Variants in MEIKIN observed in about 807,000 individuals in gnomAD.
MEIKIN encodes the protein meiotic kinetochore factor.
intron 8 of MEIKIN, among the ~76,000 whole-genome samples, chr5:131,907,691 G>C (rs1361831012): frequency 1.3e-5 from 2 of 151,488 alleles, no homozygotes; most frequent in Non-Finnish European, 2.9e-5. Flanking sequence ...GACCAACATG[G>C]TGAAACCCCA....
rs1285998746 is a variant in MEIKIN at position 131,899,523 on chromosome 5, CAG to C, written c.703+12290_703+12291del. Among the ~76,000 whole-genome samples the C allele has an allele frequency of 2.1e-5, 3 of 141,594 alleles. No individual in the cohort carries two copies. The Admixed American group carries it at 2.1e-4, about 10-fold the overall frequency. 92.9% of individuals were successfully genotyped at this position (141,594 alleles called of 152,430 possible). A position where few individuals can be genotyped will look rare whatever the true frequency, so the allele number is the denominator to read the frequency against. On this transcript the variant is annotated intron_variant, in intron 8 of 12. Transcript: ENST00000442687. ...GGCTACACTGTCCAATCAAAAGACA[CAG>C]AGTGGTTGAATGGATTTAAAAAAAA...
intron 10 of MEIKIN, among the ~76,000 whole-genome samples, chr5:131,852,023 A>G (rs75359156): frequency 6.6e-6 from 1 of 152,364 alleles, no homozygotes; most frequent in African/African-American, 2.4e-5. Flanking sequence ...TATTATTCAT[A>G]ATAGATAATA....
intron 9 of MEIKIN, among the ~76,000 whole-genome samples, chr5:131,856,400 C>A (rs1750193481): frequency 1.3e-5 from 2 of 152,124 alleles, no homozygotes; most frequent in African/African-American, 4.8e-5. Context: ...AGCTGACAGC[C>A]CCCAAGCACA....
At chr5:131,843,051 G>A (rs1279372624) in intron 11 of MEIKIN, among the ~76,000 whole-genome samples, 1 of 152,228 alleles carries the variant, frequency 6.6e-6, no homozygotes, top group Admixed American at 6.5e-5. Flanking sequence ...CCAAGGTTTG[G>A]GGCTTACCCT....
chr5:131,920,697 AT>A (rs59138710), intron 6 of MEIKIN, among the ~76,000 whole-genome samples: 18,892 of 142,022 alleles, frequency 0.13, 2,836 homozygotes, highest in African/African-American at 0.39. Context: ...GCATAACTTC[AT>A]TTTTTTTTTT....
rs1485229893 is a variant in MEIKIN at position 131,930,413 on chromosome 5, AAT to A, written c.478+3098_478+3099del. ...ATCTTTGTTGGATGCATAGTTTGCA[AAT>A]ATTTTCTCCCATTCTGTAGGTTGTC... is the stretch of plus-strand genomic sequence containing the variant. On this transcript the variant is annotated intron_variant, in intron 5 of 12. Transcript: ENST00000442687. Among the ~76,000 whole-genome samples the A allele has an allele frequency of 2.0e-5, 3 of 152,236 alleles. No homozygotes were observed. In the East Asian group the frequency reaches 5.8e-4, roughly 29 times the overall value.
chr5:131,816,937 T>C (rs1037883102), intron 12 of MEIKIN, among the ~76,000 whole-genome samples: 2 of 152,200 alleles, frequency 1.3e-5, no homozygotes, highest in African/African-American at 4.8e-5. Flanking sequence ...AAGCATTATT[T>C]CTGAGTAGAT....
At chr5:131,871,856 G>A (rs1750508924) in intron 9 of MEIKIN, among the ~76,000 whole-genome samples, 1 of 152,184 alleles carries the variant, frequency 6.6e-6, no homozygotes, top group African/African-American at 2.4e-5. Flanking sequence ...CCGATGTTCT[G>A]CAGCCACCAC....
chr5:131,908,067 C>T (rs1393949442), intron 8 of MEIKIN, among the ~76,000 whole-genome samples: 2 of 151,992 alleles, frequency 1.3e-5, no homozygotes, highest in Admixed American at 1.3e-4. Flanking sequence ...TGAAGGAATA[C>T]TGACAAACTC....
chr5:131,879,790 T>TA (rs1750673965), intron 8 of MEIKIN, among the ~76,000 whole-genome samples: 1 of 152,238 alleles, frequency 6.6e-6, no homozygotes, highest in South Asian at 2.1e-4. Context: ...GGCTCCTTTT[T>TA]ATGTCTCTTC....
At chr5:131,843,959 T>C (rs1419413041) in intron 11 of MEIKIN, among the ~76,000 whole-genome samples, 2 of 152,154 alleles carry the variant, frequency 1.3e-5, no homozygotes, top group Non-Finnish European at 2.9e-5. Flanking sequence ...GAGAAGAGGT[T>C]TAATTGACTC....
intron 11 of MEIKIN, among the ~76,000 whole-genome samples, chr5:131,830,144 C>T (rs1320281916): frequency 1.3e-5 from 2 of 152,286 alleles, no homozygotes; most frequent in East Asian, 1.9e-4. Flanking sequence ...AATACCAGCA[C>T]TTTGAGAGGC....
chr5:131,826,603 T>C (rs1474311774), intron 11 of MEIKIN, among the ~76,000 whole-genome samples: 1 of 152,234 alleles, frequency 6.6e-6, no homozygotes, highest in African/African-American at 2.4e-5. Context: ...AATTATAACC[T>C]AAATTATAAT....
At chr5:131,894,782 G>C (rs1464609624) in intron 8 of MEIKIN, among the ~76,000 whole-genome samples, 1 of 152,154 alleles carries the variant, frequency 6.6e-6, no homozygotes, top group African/African-American at 2.4e-5. Context: ...TTGCCTATCA[G>C]CTTAAGGAGA....
chr5:131,944,056 A>T (rs1308140256), intron 3 of MEIKIN, among the ~76,000 whole-genome samples: 1 of 151,054 alleles, frequency 6.6e-6, no homozygotes, highest in South Asian at 2.1e-4. Flanking sequence ...GCAGTCAGTG[A>T]GCCAGGACTG....
intron 9 of MEIKIN, among the ~76,000 whole-genome samples, chr5:131,860,495 GA>G (rs1247355321): frequency 6.6e-6 from 1 of 151,806 alleles, no homozygotes; most frequent in African/African-American, 2.4e-5. Context: ...GCCCACACTG[GA>G]CTGCAGTGGT....
chr5:131,923,633 C>A (rs531783862), intron 5 of MEIKIN, among the ~76,000 whole-genome samples: 1 of 151,398 alleles, frequency 6.6e-6, no homozygotes, highest in South Asian at 2.1e-4. Flanking sequence ...GTTCTTAGAA[C>A]AGCCTCTTCT....
intron 11 of MEIKIN, among the ~76,000 whole-genome samples, chr5:131,850,974 A>G (rs1425224099): frequency 6.6e-6 from 1 of 152,100 alleles, no homozygotes; most frequent in East Asian, 1.9e-4. Context: ...GAAAAGAAAA[A>G]GGCAAAAAGC....
chr5:131,838,753 T>C (rs796568631), intron 11 of MEIKIN, among the ~76,000 whole-genome samples: 8 of 152,278 alleles, frequency 5.3e-5, no homozygotes, highest in African/African-American at 1.9e-4. Flanking sequence ...TTTCTCTTTA[T>C]TAGTCTAGCT....
Sources: gnomAD v4.1 joint callset for allele counts (sites outside exome capture counted in the v4.1 genomes callset) on GRCh38, gnomAD v4.1.1 for gene constraint, MANE v1.5 for transcripts, NCBI Gene and HGNC (gene_info 2026-07-23, HGNC 2026-07-21) for gene names.